Variants in DNAAF9 observed in about 807,000 individuals in gnomAD.
DNAAF9 encodes the protein shulin.
In DNAAF9, 90 loss-of-function variants were observed where a neutral mutation model predicts 167.0. That is an observed-to-expected ratio of 0.54 (90% CI 0.45 to 0.64). DNAAF9 has a LOEUF of 0.64. DNAAF9 is among the 30% of genes least tolerant of loss of function. The pLI is 0.00. For missense variants in DNAAF9, 1,315 were observed against 1,442.2 expected, an observed-to-expected ratio of 0.91 and a Z score of 1.43; for synonymous variants, 491 against 508.8, an observed-to-expected ratio of 0.96 and a Z score of 0.47.
At position 3,322,656 on chromosome 20, in the gene DNAAF9, C is replaced by T; in HGVS notation, c.1306G>A (p.Gly436Arg). The T allele has an allele frequency of 1.2e-6, 2 of 1,611,474 alleles. No homozygotes were observed. The highest frequency in any genetic ancestry group is 2.2e-5 in the East Asian group (1 of 44,868). ...TFHIHAVNNQGRIVPLDSEDS... is the reference protein window; with the variant it reads ...TFHIHAVNNQRRIVPLDSEDS... ...GCACCACAATCATATACGCACCTTC[C>T]CTGATTATTCACAGCATGTATATGA... is the stretch of plus-strand genomic sequence containing the variant. The change falls in exon 15 of 37, where the codon GGA becomes AGA. Residue 436 changes from glycine to arginine, a missense_variant. Coordinates refer to ENST00000252032, the MANE Select transcript of DNAAF9 (RefSeq NM_001009984.3).
intron 10 of DNAAF9, among the ~76,000 whole-genome samples, chr20:3,334,422 T>A (rs1490246999): frequency 2.6e-5 from 4 of 152,252 alleles, no homozygotes. Context: ...TTTTTGTGGC[T>A]TGACAGCTCT....
intron 10 of DNAAF9, among the ~76,000 whole-genome samples, chr20:3,337,556 C>G (rs1245551948): frequency 6.6e-6 from 1 of 150,510 alleles, no homozygotes. Context: ...AAATCCTTGT[C>G]AGTTAATTCT....
chr20:3,259,393 G>T, intron 33 of DNAAF9, 87 bp downstream of exon 33: 1 of 893,580 alleles, frequency 1.1e-6, no homozygotes, highest in Non-Finnish European at 1.9e-6. Context: ...TCAGTGGTCT[G>T]CAGAGCACCA....
At chr20:3,327,747 T>C (rs2069738016) in intron 12 of DNAAF9, among the ~76,000 whole-genome samples, 2 of 152,206 alleles carry the variant, frequency 1.3e-5, no homozygotes, top group Non-Finnish European at 2.9e-5. Flanking sequence ...TCAGATCTGC[T>C]CTCAGCCTGG....
intron 12 of DNAAF9, among the ~76,000 whole-genome samples, chr20:3,329,416 C>T (rs1443712460): frequency 6.6e-6 from 1 of 152,192 alleles, no homozygotes; most frequent in Non-Finnish European, 1.5e-5. Flanking sequence ...GCCTCGGCCC[C>T]CCAGAGTCCT....
intron 30 of DNAAF9, 35 bp from the exon 31 acceptor site, chr20:3,264,559 A>G (rs1376411804): frequency 9.9e-7 from 1 of 1,009,972 alleles, no homozygotes; most frequent in African/African-American, 1.6e-5. Context: ...TAGATTAATT[A>G]GGACTGTCAA....
rs1050644478 is a variant in DNAAF9, at chr20:3,250,525, T to C, written c.*2047A>G. On this transcript the variant is annotated 3_prime_UTR_variant, in exon 37 of 37. Coordinates refer to ENST00000252032, the MANE Select transcript of DNAAF9 (RefSeq NM_001009984.3). ...TTTCAATCACAGTTTCATATTCAAG[T>C]TGAGGTAATCACAGTTTTTTCTCTA... The C allele has an allele frequency of 2.0e-5, 3 of 152,240 alleles. No individual in the cohort carries two copies. Among genetic ancestry groups the C allele is most frequent in the Non-Finnish European group, 4.4e-5 (3 of 68,058 alleles). The allele number at this position is 152,240 out of a possible 1,614,324, so 9.4% of individuals were successfully genotyped here. A position where few individuals can be genotyped will look rare whatever the true frequency, so the allele number is the denominator to read the frequency against.
At chr20:3,318,751 C>A (rs1202892164) in intron 16 of DNAAF9, among the ~76,000 whole-genome samples, 1 of 151,944 alleles carries the variant, frequency 6.6e-6, no homozygotes, top group African/African-American at 2.4e-5. Context: ...TTTGAGACCA[C>A]CCTGAACAAC....
At position 3,296,960 on chromosome 20, in the gene DNAAF9, C is replaced by T; in HGVS notation, c.1930-11G>A. The T allele has an allele frequency of 6.5e-7, 1 of 1,533,464 alleles. No homozygotes were observed. Among genetic ancestry groups the T allele is most frequent in the Non-Finnish European group, 9.0e-7 (1 of 1,107,920 alleles). 95.0% of individuals were successfully genotyped at this position (1,533,464 alleles called of 1,614,324 possible). On this transcript the variant is annotated splice_polypyrimidine_tract_variant and intron_variant, in intron 22 of 36. Coordinates refer to ENST00000252032, the MANE Select transcript of DNAAF9 (RefSeq NM_001009984.3). The stretch of plus-strand genomic sequence containing the variant: ...CCAGAGGGAGAAGACCTAAACAAAA[C>T]AGAATTTGAGCAAAGAACACTTTAA...
At chr20:3,285,019 C>T (rs1320809897) in intron 27 of DNAAF9, among the ~76,000 whole-genome samples, 1 of 152,136 alleles carries the variant, frequency 6.6e-6, no homozygotes, top group Non-Finnish European at 1.5e-5. Flanking sequence ...CCCTCCTGCC[C>T]TCCACTCCCA....
intron 10 of DNAAF9, among the ~76,000 whole-genome samples, chr20:3,337,423 C>G (rs563716630): frequency 6.8e-6 from 1 of 146,952 alleles, no homozygotes; most frequent in Non-Finnish European, 1.5e-5. Flanking sequence ...GCCACCACGC[C>G]CAGGTTCTTT....
chr20:3,297,999 G>A (rs1232504663), intron 22 of DNAAF9, 30 bp downstream of exon 22: 6 of 1,575,992 alleles, frequency 3.8e-6, no homozygotes, highest in Non-Finnish European at 5.2e-6. Flanking sequence ...AAAAGTAGTA[G>A]TAGTTTTGCT....
chr20:3,377,374 T>C (rs1283886756), intron 3 of DNAAF9, among the ~76,000 whole-genome samples: 8 of 152,198 alleles, frequency 5.3e-5, no homozygotes, highest in Non-Finnish European at 1.0e-4. Flanking sequence ...TGGGATAAAA[T>C]ACTTAGATTT....
In DNAAF9 at chr20:3,332,372, GA is replaced by G; in HGVS notation, c.982-12del. 3 of 1,511,548 alleles carry G rather than the reference GA, an allele frequency of 2.0e-6. No homozygotes were observed. Among genetic ancestry groups the G allele is most frequent in the Non-Finnish European group, 2.7e-6 (3 of 1,093,392 alleles). The allele number at this position is 1,511,548 out of a possible 1,614,324, so 93.6% of individuals were successfully genotyped here. The stretch of plus-strand genomic sequence containing the variant: ...GACACACTGGGCTACCTGGATGTCA[GA>G]AAAAAATAAAAATAAAAAGGGGCAA... On this transcript the variant is annotated splice_polypyrimidine_tract_variant and intron_variant, in intron 10 of 36. Transcript: ENST00000252032.
Position 3,270,576 on chromosome 20 carries a change from C to T in DNAAF9, c.2651-14G>A. The T allele has an allele frequency of 6.2e-7, 1 of 1,611,488 alleles. No individual in the cohort carries two copies. The highest frequency in any genetic ancestry group is 1.1e-5 in the South Asian group (1 of 90,954). ...TACTCACCAGGCCTGGGAATAAAAC[C>T]AAGGACAGTTTAGCCTTCACAGTCC... is the stretch of plus-strand genomic sequence containing the variant. On this transcript the variant is annotated splice_polypyrimidine_tract_variant and intron_variant, in intron 29 of 36. Transcript: ENST00000252032.
intron 27 of DNAAF9, among the ~76,000 whole-genome samples, chr20:3,285,298 C>T (rs2068831215): frequency 6.6e-6 from 1 of 152,026 alleles, no homozygotes; most frequent in Admixed American, 6.6e-5. Context: ...CATACTCCCA[C>T]CACTTTGGGA....
rs114262956 is a variant in DNAAF9, at chr20:3,271,211, G to A, written c.2651-649C>T. ...GTATTTAGCATCATCAGGAACTGGT[G>A]CCATTTACCTTCACCAGTTCAGAAC... On this transcript the variant is annotated intron_variant, in intron 29 of 36. Transcript: ENST00000252032. Among the ~76,000 whole-genome samples, 1,367 of 152,202 alleles carry A rather than the reference G, an allele frequency of 9.0e-3. 19 individuals carry two copies. Among genetic ancestry groups the A allele is most frequent in the African/African-American group, 0.032 (1,313 of 41,528 alleles).
At chr20:3,316,667 G>T in intron 18 of DNAAF9, 56 bp downstream of exon 18, 2 of 1,278,088 alleles carry the variant, frequency 1.6e-6, no homozygotes, top group Non-Finnish European at 2.3e-6. Context: ...TTCCTCAAGT[G>T]TTCACCCTGA....
chr20:3,252,576 G>A lies in DNAAF9; in HGVS notation c.3530C>T (p.Pro1177Leu), dbSNP rs2068211629. ...QEYHDLFELK[P>L] ...ACGTACGGGCCCAGCCTTCCTCTAGGGCTTCAGCTCAAAGAGGTCATGATA... is the reference window on the plus strand; with the variant it reads ...ACGTACGGGCCCAGCCTTCCTCTAGAGCTTCAGCTCAAAGAGGTCATGATA... Residue 1177 changes from proline to leucine, a missense_variant, in exon 37 of 37, where the codon CCC becomes CTC. Coordinates refer to ENST00000252032, the MANE Select transcript of DNAAF9 (RefSeq NM_001009984.3). The A allele has an allele frequency of 1.3e-6, 2 of 1,559,460 alleles. No homozygotes were observed. The highest frequency in any genetic ancestry group is 1.8e-6 in the Non-Finnish European group (2 of 1,130,066).
Sources: gnomAD v4.1 joint callset for allele counts (sites outside exome capture counted in the v4.1 genomes callset) on GRCh38, gnomAD v4.1.1 for gene constraint, MANE v1.5 for transcripts, NCBI Gene and HGNC (gene_info 2026-07-23, HGNC 2026-07-21) for gene names.